Variants in IQGAP1 observed in about 807,000 individuals in gnomAD.
IQGAP1 encodes ras GTPase-activating-like protein IQGAP1.
In IQGAP1, 66 loss-of-function variants were observed where a neutral mutation model predicts 215.6. The ratio of observed to expected loss-of-function variants is 0.31; its 90% CI spans 0.25 to 0.38. The LOEUF (loss-of-function observed/expected upper bound fraction) is 0.38. Ranked by LOEUF, IQGAP1 falls within the 10% of genes least tolerant of loss-of-function variation. The pLI is 1.00. For synonymous variants in IQGAP1, 772 were observed against 728.7 expected (o/e 1.06, Z -0.96); for missense variants, 1,712 against 1,997.1 (o/e 0.86, Z 2.72).
At chr15:90,392,742 TTCTA>T (rs1354509867) in intron 2 of IQGAP1, among the ~76,000 whole-genome samples, 1 of 133,568 alleles carries the variant, frequency 7.5e-6, no homozygotes, top group Non-Finnish European at 1.5e-5. Context: ...TGAAGAATGT[TTCTA>T]TCTTTTTTTT....
chr15:90,475,294 C>T (rs557389874), intron 23 of IQGAP1, among the ~76,000 whole-genome samples: 1 of 152,200 alleles, frequency 6.6e-6, no homozygotes, highest in South Asian at 2.1e-4. Flanking sequence ...CCACGACACC[C>T]GGCTTTTTTG....
chr15:90,399,943 T>C (rs1355750021), intron 2 of IQGAP1, among the ~76,000 whole-genome samples: 3 of 152,240 alleles, frequency 2.0e-5, no homozygotes, highest in Non-Finnish European at 1.5e-5. Flanking sequence ...TATATGACTT[T>C]GTTATACTTC....
intron 2 of IQGAP1, among the ~76,000 whole-genome samples, chr15:90,407,879 G>A (rs898505407): frequency 3.9e-5 from 6 of 152,186 alleles, no homozygotes; most frequent in Non-Finnish European, 4.4e-5. Context: ...AGGAGCTTAC[G>A]GATTAATTGA....
At chr15:90,399,122 A>G (rs1394428020) in intron 2 of IQGAP1, among the ~76,000 whole-genome samples, 2 of 151,762 alleles carry the variant, frequency 1.3e-5, no homozygotes, top group African/African-American at 4.8e-5. Flanking sequence ...CACCTAACTA[A>G]TTAAAAAAAA....
chr15:90,476,191 C>T (rs1179099882), intron 23 of IQGAP1, among the ~76,000 whole-genome samples: 1 of 152,118 alleles, frequency 6.6e-6, no homozygotes, highest in Non-Finnish European at 1.5e-5. Flanking sequence ...GCCTCAGCCT[C>T]CCAAAGTGCT....
chr15:90,452,003 C>T (rs8025487), intron 11 of IQGAP1, among the ~76,000 whole-genome samples: 87,722 of 151,956 alleles, frequency 0.58, 27,184 homozygotes, highest in East Asian at 0.83. Context: ...CTCATTTTTG[C>T]ATTTTTAGTA....
At chr15:90,423,993 T>C (rs936139930) in intron 2 of IQGAP1, among the ~76,000 whole-genome samples, 1 of 152,172 alleles carries the variant, frequency 6.6e-6, no homozygotes, top group African/African-American at 2.4e-5. Flanking sequence ...TTTCCCTGTG[T>C]GTTTACTTCA....
At chr15:90,405,360 A>G (rs1964862811) in intron 2 of IQGAP1, among the ~76,000 whole-genome samples, 1 of 152,236 alleles carries the variant, frequency 6.6e-6, no homozygotes, top group Non-Finnish European at 1.5e-5. Flanking sequence ...TGCTAAACAG[A>G]TTAATATCGT....
chr15:90,491,525 C>A lies in IQGAP1; in HGVS notation c.4441C>A (p.Leu1481Met). 5 of 1,614,074 alleles carry A rather than the reference C, an allele frequency of 3.1e-6. No individual in the cohort carries two copies. The highest frequency in any genetic ancestry group is 4.2e-6 in the Non-Finnish European group (5 of 1,179,916). Residue 1481 changes from leucine to methionine, a missense_variant, in exon 34 of 38, where the codon CTG becomes ATG. By Grantham distance (15) the Leu-to-Met change is conservative. Transcript: ENST00000268182. ...GGACCCAAAGAACAAATACCAGGAA[C>A]TGATCAACGACATTGCCAGGGTACT... is the stretch of plus-strand genomic sequence containing the variant. ...TVDPKNKYQE[L>M]INDIARDIRN...
At chr15:90,440,974 G>A (rs990911829) in intron 7 of IQGAP1, among the ~76,000 whole-genome samples, 1 of 152,064 alleles carries the variant, frequency 6.6e-6, no homozygotes, top group Non-Finnish European at 1.5e-5. Flanking sequence ...GGGCATGGTG[G>A]TGTGCACCTG....
rs1965937577 is a variant in IQGAP1, at chr15:90,473,741, G to A, written c.2376G>A (p.Lys792=). Residue 792 remains lysine (K), a synonymous_variant, in exon 20 of 38, where the codon AAG becomes AAA. Transcript: ENST00000268182. ...CACAGTGGAGAGGATACAAGCAGAA[G>A]AAGGCATATCAAGATCGGTTAGCTT... The part of the protein sequence containing the change: ...IQSQWRGYKQ[K]KAYQDRLAYL... 6.2e-7 allele frequency: 1 copy of A among 1,610,824 alleles called. No homozygotes were observed. Among genetic ancestry groups the A allele is most frequent in the Admixed American group, 1.7e-5 (1 of 59,690 alleles).
At chr15:90,449,707 G>T (rs1965574746) in intron 11 of IQGAP1, 64 bp downstream of exon 11, 5 of 1,329,534 alleles carry the variant, frequency 3.8e-6, no homozygotes, top group Admixed American at 4.0e-5. Context: ...AGGGTCTGAG[G>T]TTAGCTTCTG....
At chr15:90,452,693 A>G (rs1319549682) in intron 11 of IQGAP1, 82 bp from the exon 12 acceptor site, 8 of 1,459,586 alleles carry the variant, frequency 5.5e-6, no homozygotes, top group Non-Finnish European at 7.5e-6. Flanking sequence ...AGAATGTGAT[A>G]TTTTTCCCAT....
At chr15:90,434,989 G>A (rs1965351477) in intron 5 of IQGAP1, among the ~76,000 whole-genome samples, 1 of 152,154 alleles carries the variant, frequency 6.6e-6, no homozygotes, top group South Asian at 2.1e-4. Context: ...CATCCTCTAT[G>A]TGTGCTTGCT....
At chr15:90,393,602 C>G (rs1360649480) in intron 2 of IQGAP1, 3 of 152,176 alleles carry the variant, frequency 2.0e-5, no homozygotes. Flanking sequence ...TGTTGAGAAA[C>G]AAGATTTAAA....
intron 32 of IQGAP1, 91 bp from the exon 33 acceptor site, chr15:90,487,404 G>C: frequency 2.2e-6 from 2 of 914,208 alleles, no homozygotes; most frequent in East Asian, 2.5e-5. Flanking sequence ...GTGAGGTACT[G>C]TTTGTGCTGC....
intron 2 of IQGAP1, among the ~76,000 whole-genome samples, chr15:90,396,151 CAA>C (rs1214383738): frequency 6.6e-6 from 1 of 152,138 alleles, no homozygotes; most frequent in African/African-American, 2.4e-5. Flanking sequence ...TTCTTGGGAA[CAA>C]AGTCTTTTTT....
intron 9 of IQGAP1, among the ~76,000 whole-genome samples, chr15:90,447,550 G>T (rs4031431): frequency 0.58 from 87,406 of 151,954 alleles, 26,984 homozygotes; most frequent in East Asian, 0.83. Flanking sequence ...TTTTGCTACT[G>T]TGATAAAATC....
At chr15:90,398,466 G>A (rs538143257) in intron 2 of IQGAP1, among the ~76,000 whole-genome samples, 1 of 152,098 alleles carries the variant, frequency 6.6e-6, no homozygotes, top group Admixed American at 6.5e-5. Flanking sequence ...AAGGGATTAA[G>A]TAAAAGGAAA....
Sources: gnomAD v4.1 joint callset for allele counts (sites outside exome capture counted in the v4.1 genomes callset) on GRCh38, gnomAD v4.1.1 for gene constraint, MANE v1.5 for transcripts, NCBI Gene and HGNC (gene_info 2026-07-23, HGNC 2026-07-21) for gene names.